The following NRXN1 variants were observed in gnomAD, a reference collection of about 807,000 sequenced individuals.
NRXN1 encodes neurexin-1.
A neutral mutation model predicts 150.9 loss-of-function variants in NRXN1; 39 were observed. The observed-to-expected ratio is 0.26, with a 90% CI of 0.20 to 0.34. The LOEUF (loss-of-function observed/expected upper bound fraction) is 0.34. NRXN1 is among the 10% of genes least tolerant of loss of function. The pLI is 1.00. For synonymous variants in NRXN1, 924 were observed against 757.0 expected (o/e 1.22, Z -3.62); for missense variants, 1,815 against 1,949.9 (o/e 0.93, Z 1.30).
chr2:50,436,422 C>T (rs1429623016), intron 17 of NRXN1, among the ~76,000 whole-genome samples: 1 of 151,264 alleles, frequency 6.6e-6, no homozygotes, highest in African/African-American at 2.4e-5. Flanking sequence ...TATTGCACTC[C>T]AGCCTGGGCA....
At chr2:50,680,038 G>C (rs933907887) in intron 5 of NRXN1, among the ~76,000 whole-genome samples, 1 of 151,848 alleles carries the variant, frequency 6.6e-6, no homozygotes, top group Non-Finnish European at 1.5e-5. Flanking sequence ...GGTTGGGGTG[G>C]GGGGATGTGC....
chr2:50,499,189 G>T (rs1031529596), intron 13 of NRXN1, among the ~76,000 whole-genome samples: 3 of 152,134 alleles, frequency 2.0e-5, no homozygotes, highest in African/African-American at 7.2e-5. Flanking sequence ...TGACTTTGAT[G>T]ATTATACATA....
chr2:49,967,337 GA>G (rs1490840599), intron 21 of NRXN1, among the ~76,000 whole-genome samples: 1 of 151,984 alleles, frequency 6.6e-6, no homozygotes, highest in Non-Finnish European at 1.5e-5. Context: ...AAAGCATGCT[GA>G]TCTGATTAAC....
At chr2:50,539,680 T>G (rs1247715986) in intron 9 of NRXN1, among the ~76,000 whole-genome samples, 1 of 152,172 alleles carries the variant, frequency 6.6e-6, no homozygotes, top group African/African-American at 2.4e-5. Flanking sequence ...CACAACCACA[T>G]TATCCCAGAT....
intron 2 of NRXN1, among the ~76,000 whole-genome samples, chr2:50,967,039 T>G (rs1425357492): frequency 6.6e-6 from 1 of 151,928 alleles, no homozygotes; most frequent in Non-Finnish European, 1.5e-5. Flanking sequence ...TGTTAAAATG[T>G]CATTCTCCAA....
chr2:50,261,356 T>C (rs1453874433), intron 17 of NRXN1, among the ~76,000 whole-genome samples: 1 of 151,800 alleles, frequency 6.6e-6, no homozygotes, highest in Non-Finnish European at 1.5e-5. Flanking sequence ...TAAGGTACGC[T>C]CAGAGAGATT....
chr2:51,019,121 C>G (rs1427274415), intron 2 of NRXN1, among the ~76,000 whole-genome samples: 1 of 152,012 alleles, frequency 6.6e-6, no homozygotes, highest in East Asian at 1.9e-4. Flanking sequence ...ACAAACAGCC[C>G]AGCATCCCTT....
intron 2 of NRXN1, among the ~76,000 whole-genome samples, chr2:50,945,454 A>G (rs1690195438): frequency 6.6e-6 from 1 of 152,054 alleles, no homozygotes; most frequent in Non-Finnish European, 1.5e-5. Context: ...ACAGAGTGAG[A>G]CACTGTCTCA....
intron 5 of NRXN1, among the ~76,000 whole-genome samples, chr2:50,647,646 C>T (rs969720): frequency 6.6e-6 from 1 of 151,760 alleles, no homozygotes; most frequent in Non-Finnish European, 1.5e-5. Context: ...ATTCCACTTC[C>T]AAGTAATACA....
chr2:51,027,462 C>G (rs1670691747), intron 2 of NRXN1, 40 bp downstream of exon 2: 4 of 1,483,144 alleles, frequency 2.7e-6, no homozygotes, highest in Non-Finnish European at 3.6e-6. Flanking sequence ...CCGAGCCCCG[C>G]CCAGGCCCCG....
chr2:50,456,097 T>C (rs954737289), intron 17 of NRXN1, among the ~76,000 whole-genome samples: 1 of 152,196 alleles, frequency 6.6e-6, no homozygotes, highest in Non-Finnish European at 1.5e-5. Context: ...ATATGTTATA[T>C]ATTTATAAGA....
At chr2:50,588,197 G>GT (rs1223229942) in intron 8 of NRXN1, among the ~76,000 whole-genome samples, 1 of 152,052 alleles carries the variant, frequency 6.6e-6, no homozygotes, top group Non-Finnish European at 1.5e-5. Flanking sequence ...ATAAATATAT[G>GT]TTTTTAAAAA....
At chr2:50,882,336 T>C (rs1476695378) in intron 5 of NRXN1, among the ~76,000 whole-genome samples, 3 of 151,954 alleles carry the variant, frequency 2.0e-5, no homozygotes, top group Non-Finnish European at 4.4e-5. Flanking sequence ...TCAAAAAGTA[T>C]ATAATAACTT....
intron 17 of NRXN1, among the ~76,000 whole-genome samples, chr2:50,439,527 C>T (rs1382667863): frequency 6.6e-6 from 1 of 152,122 alleles, no homozygotes; most frequent in Non-Finnish European, 1.5e-5. Flanking sequence ...CTAAAAAAGG[C>T]CGGGCGCGGT....
At chr2:50,703,752 A>T (rs570979945) in intron 5 of NRXN1, among the ~76,000 whole-genome samples, 4 of 152,314 alleles carry the variant, frequency 2.6e-5, no homozygotes, top group African/African-American at 9.6e-5. Context: ...ATTTGAGCTA[A>T]GAATTTAACA....
chr2:50,328,920 A>C (rs2076565851), intron 17 of NRXN1, among the ~76,000 whole-genome samples: 1 of 152,108 alleles, frequency 6.6e-6, no homozygotes, highest in Non-Finnish European at 1.5e-5. Flanking sequence ...TTGTTATTTC[A>C]AGCACAGTTA....
At chr2:50,799,515 G>T (rs1239518632) in intron 5 of NRXN1, among the ~76,000 whole-genome samples, 1 of 152,142 alleles carries the variant, frequency 6.6e-6, no homozygotes, top group East Asian at 1.9e-4. Flanking sequence ...CAGTTGTTCA[G>T]CTTAGGATTC....
At chr2:50,264,887 G>A (rs1278812981) in intron 17 of NRXN1, among the ~76,000 whole-genome samples, 1 of 152,012 alleles carries the variant, frequency 6.6e-6, no homozygotes, top group Non-Finnish European at 1.5e-5. Context: ...GTCATCACTA[G>A]GACCAGCAGA....
chr2:50,306,627 CA>C (rs1487332356), intron 17 of NRXN1, among the ~76,000 whole-genome samples: 11 of 152,188 alleles, frequency 7.2e-5, no homozygotes, highest in Non-Finnish European at 1.5e-4. Flanking sequence ...GAAACATTTA[CA>C]TTTTTTTATA....
Sources: gnomAD v4.1 joint callset for allele counts (sites outside exome capture counted in the v4.1 genomes callset) on GRCh38, gnomAD v4.1.1 for gene constraint, MANE v1.5 for transcripts, NCBI Gene and HGNC (gene_info 2026-07-23, HGNC 2026-07-21) for gene names.